Variants in DAB2IP observed in about 807,000 individuals in gnomAD.
DAB2IP encodes DAB2 interacting protein.
A neutral mutation model predicts 107.2 loss-of-function variants in DAB2IP; 28 were observed. That is an observed-to-expected ratio of 0.26 (90% CI 0.19 to 0.36). The LOEUF (loss-of-function observed/expected upper bound fraction) is 0.36, where lower values mean the gene tolerates loss of function less well. DAB2IP is among the 10% of genes least tolerant of loss of function. The pLI is 1.00. For missense variants in DAB2IP, 1,400 were observed against 1,644.7 expected (o/e 0.85, Z 2.57); for synonymous variants, 755 against 706.4 (o/e 1.07, Z -1.09).
At chr9:121,603,697 G>A (rs1184378226) in intron 1 of DAB2IP, among the ~76,000 whole-genome samples, 1 of 152,158 alleles carries the variant, frequency 6.6e-6, no homozygotes, top group East Asian at 1.9e-4. Flanking sequence ...GTGATCTTGG[G>A]CAGGGCTGGT....
chr9:121,603,284 C>T (rs1564694755), intron 1 of DAB2IP, among the ~76,000 whole-genome samples: 2 of 152,222 alleles, frequency 1.3e-5, no homozygotes, highest in Non-Finnish European at 2.9e-5. Flanking sequence ...CTGGCCTGGG[C>T]TGACTCACTA....
Position 121,651,703 on chromosome 9 carries a change from G to C in DAB2IP, c.-73G>C. On this transcript the variant is annotated 5_prime_UTR_variant, in exon 1 of 16. Transcript: ENST00000408936. This position sits in a 1 kb window ranked among gnomAD's most constrained non-coding sequence, Gnocchi z 5.1. ...GCGGGAGAACGCGTGGGCGCCCGCC[G>C]GGCTGTCCGGAGCGGCCGATGGGGC... is the stretch of plus-strand genomic sequence containing the variant. 8.8e-7 allele frequency: 1 copy of C among 1,140,420 alleles called. No homozygotes were observed. Among genetic ancestry groups the C allele is most frequent in the African/African-American group, 1.6e-5 (1 of 61,104 alleles). The allele number at this position is 1,140,420 out of a possible 1,614,324, so 70.6% of individuals were successfully genotyped here.
intron 2 of DAB2IP, among the ~76,000 whole-genome samples, chr9:121,688,012 G>C (rs114619722): frequency 1.4e-3 from 220 of 152,014 alleles, no homozygotes; most frequent in African/African-American, 5.0e-3. Flanking sequence ...ATCTTGTCCT[G>C]CCCCTACTTT....
intron 1 of DAB2IP, among the ~76,000 whole-genome samples, chr9:121,621,813 A>ATT (rs60287073): frequency 0.78 from 112,132 of 143,018 alleles, 46,539 homozygotes; most frequent in East Asian, 0.99. Flanking sequence ...CACCTGGCTA[A>ATT]TTTTTTTTTT....
At chr9:121,576,052 C>T (rs1253773098) in intron 1 of DAB2IP, 4 of 152,608 alleles carry the variant, frequency 2.6e-5, no homozygotes, top group African/African-American at 9.7e-5. Flanking sequence ...CGTCTCCAGC[C>T]CCCACTTCAG....
chr9:121,571,823 A>G (rs892861740), intron 1 of DAB2IP, among the ~76,000 whole-genome samples: 2 of 152,080 alleles, frequency 1.3e-5, no homozygotes, highest in African/African-American at 4.8e-5. Context: ...AAGGGCTCAG[A>G]CACAGCTGCA....
At position 121,614,337 on chromosome 9, in the gene DAB2IP, C is replaced by CTTTTTTTTTTTTT. The variant is rs35959966; in HGVS notation, c.40+47118_40+47130dup. On this transcript the variant is annotated intron_variant, in intron 1 of 16. Coordinates refer to the DAB2IP transcript ENST00000259371. ...TCCCACCTTTGCACTTCTTTCTTTT[C>CTTTTTTTTTTTTT]TTTTTTTTTTTTTTTTTTTTTGAGA... is the stretch of plus-strand genomic sequence containing the variant. Among the ~76,000 whole-genome samples the CTTTTTTTTTTTTT allele has an allele frequency of 1.7e-4, 17 of 102,734 alleles. 1 individual carries two copies. Among genetic ancestry groups the CTTTTTTTTTTTTT allele is most frequent in the Non-Finnish European group, 2.2e-4 (12 of 54,672 alleles). The allele number at this position is 102,734 out of a possible 152,430, so 67.4% of individuals were successfully genotyped here.
At chr9:121,767,646 A>T (rs993809327) in intron 9 of DAB2IP, among the ~76,000 whole-genome samples, 1 of 152,192 alleles carries the variant, frequency 6.6e-6, no homozygotes, top group African/African-American at 2.4e-5. Context: ...AGAGGGTTTT[A>T]AACAAGGGAG....
intron 2 of DAB2IP, among the ~76,000 whole-genome samples, chr9:121,691,584 T>A (rs1460414905): frequency 6.6e-6 from 1 of 152,094 alleles, no homozygotes; most frequent in Non-Finnish European, 1.5e-5. Context: ...AGTTCGTATT[T>A]ATTGTATGCA....
intron 1 of DAB2IP, among the ~76,000 whole-genome samples, chr9:121,640,241 C>T (rs1589438952): frequency 6.6e-6 from 1 of 152,170 alleles, no homozygotes; most frequent in South Asian, 2.1e-4. Context: ...CTGAGGGCTC[C>T]CCGCTGCTGT....
At chr9:121,585,719 T>C (rs1242026431) in intron 1 of DAB2IP, among the ~76,000 whole-genome samples, 2 of 152,054 alleles carry the variant, frequency 1.3e-5, no homozygotes, top group Non-Finnish European at 2.9e-5. Context: ...GCCAGACATG[T>C]GGTGCATACC....
Position 121,599,298 on chromosome 9 carries a change from C to T in DAB2IP, c.40+32070C>T, listed in dbSNP as rs1165613716. Among the ~76,000 whole-genome samples the T allele has an allele frequency of 1.3e-5, 2 of 152,230 alleles. No homozygotes were observed. The highest frequency in any genetic ancestry group is 3.9e-4 in the East Asian group (2 of 5,170). ...GGAGGGGAGGGGGCGTGTGGTCCCGCCGGCATCTCGGGCCGGCACCAGGCT... is the reference window on the plus strand; with the variant it reads ...GGAGGGGAGGGGGCGTGTGGTCCCGTCGGCATCTCGGGCCGGCACCAGGCT... On this transcript the variant is annotated intron_variant, in intron 1 of 16. Coordinates refer to the DAB2IP transcript ENST00000259371. This position sits in a 1 kb window ranked among gnomAD's most constrained non-coding sequence, Gnocchi z 6.9.
chr9:121,681,293 G>A (rs560855034), intron 2 of DAB2IP, among the ~76,000 whole-genome samples: 2 of 152,094 alleles, frequency 1.3e-5, no homozygotes, highest in East Asian at 3.8e-4. Context: ...TCGCTTTTCC[G>A]GCTATTTCCC....
chr9:121,692,783 A>ACTTTGATGGT (rs1829226521), intron 2 of DAB2IP, among the ~76,000 whole-genome samples: 1 of 152,212 alleles, frequency 6.6e-6, no homozygotes, highest in Non-Finnish European at 1.5e-5. Context: ...GTCATTCTCC[A>ACTTTGATGGT]GCTGGGACTC....
intron 11 of DAB2IP, among the ~76,000 whole-genome samples, chr9:121,771,902 C>T (rs1465061792): frequency 6.6e-6 from 1 of 152,012 alleles, no homozygotes; most frequent in Admixed American, 6.6e-5. Flanking sequence ...TCTCCAAAGC[C>T]CCCCTGGACC....
chr9:121,623,769 C>G (rs971058877), intron 1 of DAB2IP, among the ~76,000 whole-genome samples: 1 of 152,008 alleles, frequency 6.6e-6, no homozygotes, highest in Non-Finnish European at 1.5e-5. Context: ...CTCATTGCCA[C>G]CTCCGCCTCC....
upstream of DAB2IP, among the ~76,000 whole-genome samples, chr9:121,649,718 G>A (rs1483967961): frequency 6.6e-6 from 1 of 152,246 alleles, no homozygotes; most frequent in Non-Finnish European, 1.5e-5. Context: ...CCCCACCTAC[G>A]TGAGGAGGCA....
chr9:121,629,165 C>T (rs1203200347), intron 1 of DAB2IP, among the ~76,000 whole-genome samples: 2 of 152,200 alleles, frequency 1.3e-5, no homozygotes, highest in Non-Finnish European at 2.9e-5. Context: ...GATTCCCTTT[C>T]GCTCTTGGGT....
At chr9:121,779,736 C>T (rs989238086) in intron 14 of DAB2IP, among the ~76,000 whole-genome samples, 3 of 152,256 alleles carry the variant, frequency 2.0e-5, no homozygotes, top group Non-Finnish European at 4.4e-5. Flanking sequence ...GTTCTCCTTT[C>T]TGACGGTTCT....
Sources: allele counts gnomAD v4.1 joint callset (sites outside exome capture counted in the v4.1 genomes callset), GRCh38; gene constraint gnomAD v4.1.1; non-coding constraint Gnocchi (gnomAD v3.1); transcripts MANE v1.5; gene names NCBI Gene and HGNC (gene_info 2026-07-23, HGNC 2026-07-21).